The following SV2C variants were observed in gnomAD, a reference collection of about 807,000 sequenced individuals.
SV2C encodes the protein solute carrier family 22 member B3.
Under a neutral mutation model 79.7 loss-of-function variants are expected in SV2C, and 49 were observed. The ratio of observed to expected loss-of-function variants is 0.61; its 90% CI spans 0.49 to 0.78. SV2C has a LOEUF of 0.78. Among genes scored for constraint, SV2C ranks in the 30% least tolerant of loss-of-function variants. SV2C has a pLI of 0.00. For missense variants in SV2C, 833 were observed against 912.9 expected, an observed-to-expected ratio of 0.91 and a Z score of 1.13; for synonymous variants, 334 against 333.2, an observed-to-expected ratio of 1.00 and a Z score of -0.03.
In SV2C at chr5:76,326,924, C is replaced by T. The variant is rs1749027372; in HGVS notation, c.*1377C>T. Reference sequence around the variant, plus strand: ...TACACCTCTTCTTTGAAATCTGAACCTTCCTTGTAGACTTGCAGCCAATGA... The same window carrying T: ...TACACCTCTTCTTTGAAATCTGAACTTTCCTTGTAGACTTGCAGCCAATGA... On this transcript the variant is annotated 3_prime_UTR_variant, in exon 13 of 13. Coordinates refer to ENST00000502798, the MANE Select transcript of SV2C (RefSeq NM_014979.4). 1 of 152,256 alleles carries T rather than the reference C, an allele frequency of 6.6e-6. No homozygotes were observed. Among genetic ancestry groups the T allele is most frequent in the African/African-American group, 2.4e-5 (1 of 41,438 alleles). The allele number at this position is 152,256 out of a possible 1,614,324, so 9.4% of individuals were successfully genotyped here.
chr5:75,856,955 CTTTT>C, the SV2C span, among the ~76,000 whole-genome samples: 1 of 128,520 alleles, frequency 7.8e-6, no homozygotes, highest in Non-Finnish European at 1.6e-5. Flanking sequence ...GTCTTTAATC[CTTTT>C]TTTTTTTTTT....
the SV2C span, among the ~76,000 whole-genome samples, chr5:75,928,056 A>T: frequency 7.9e-5 from 12 of 152,212 alleles, no homozygotes; most frequent in Admixed American, 2.0e-4. Flanking sequence ...TCCTTTTCTA[A>T]AATATAATTT....
chr5:76,310,201 A>T (rs1180431498), intron 12 of SV2C, among the ~76,000 whole-genome samples: 2 of 152,264 alleles, frequency 1.3e-5, no homozygotes, highest in Non-Finnish European at 2.9e-5. Context: ...CAAACAGATA[A>T]GTAAAGTAGA....
intron 2 of SV2C, among the ~76,000 whole-genome samples, chr5:76,137,446 G>A (rs1749103968): frequency 1.3e-5 from 2 of 152,168 alleles, no homozygotes; most frequent in African/African-American, 4.8e-5. Flanking sequence ...CAGAGCAGAT[G>A]GGGAGGCTGA....
intron 2 of SV2C, among the ~76,000 whole-genome samples, chr5:76,161,630 C>T (rs1415764834): frequency 3.3e-5 from 5 of 152,142 alleles, no homozygotes; most frequent in Non-Finnish European, 5.9e-5. Flanking sequence ...CCACCACACT[C>T]AGCCTAGGTA....
intron 1 of SV2C, among the ~76,000 whole-genome samples, chr5:76,128,048 G>A (rs532812463): frequency 1.8e-4 from 27 of 152,214 alleles, no homozygotes; most frequent in African/African-American, 6.3e-4. Context: ...TCCTAAAACC[G>A]GGGTAAACAA....
chr5:76,170,098 AT>A (rs1379756832), intron 2 of SV2C, among the ~76,000 whole-genome samples: 1 of 151,974 alleles, frequency 6.6e-6, no homozygotes, highest in African/African-American at 2.4e-5. Flanking sequence ...GTTATACAAA[AT>A]TGCACCACTT....
At chr5:75,940,916 C>T in the SV2C span, among the ~76,000 whole-genome samples, 6 of 152,068 alleles carry the variant, frequency 3.9e-5, no homozygotes, top group African/African-American at 1.2e-4. Flanking sequence ...GCCTAGGATC[C>T]TAAAGCTCTT....
chr5:76,233,671 G>A (rs1279408568), intron 4 of SV2C, among the ~76,000 whole-genome samples: 1 of 151,482 alleles, frequency 6.6e-6, no homozygotes, highest in African/African-American at 2.5e-5. Flanking sequence ...TTTTGTCAAA[G>A]GCCTCTTCTG....
At chr5:75,874,631 G>A in the SV2C span, among the ~76,000 whole-genome samples, 1 of 152,078 alleles carries the variant, frequency 6.6e-6, no homozygotes, top group Non-Finnish European at 1.5e-5. Context: ...TGTTTGCAGA[G>A]GGCATGATTC....
At chr5:76,226,663 G>T (rs1215649498) in intron 4 of SV2C, among the ~76,000 whole-genome samples, 1 of 152,170 alleles carries the variant, frequency 6.6e-6, no homozygotes. Flanking sequence ...ATGTTTAAAT[G>T]TTGGCAGCTA....
chr5:75,981,551 G>A, the SV2C span, among the ~76,000 whole-genome samples: 15 of 152,052 alleles, frequency 9.9e-5, no homozygotes, highest in Non-Finnish European at 1.8e-4. Flanking sequence ...AAAGAACCCG[G>A]AAATAAGACC....
At chr5:75,996,260 G>C in the SV2C span, among the ~76,000 whole-genome samples, 1 of 152,124 alleles carries the variant, frequency 6.6e-6, no homozygotes, top group Non-Finnish European at 1.5e-5. Flanking sequence ...CCCATTGCTT[G>C]TTTTTCTCAG....
rs762421455 is a variant in SV2C, at chr5:76,300,732, T to G, written c.1640T>G (p.Phe547Cys). ...GTCTTTGTTGTTGTTTCTACAGATT[T>G]TGAGCCATATAAATTCATTGACAGT... ...FIDTVFDNTD[F>C]EPYKFIDSEF... Residue 547 changes from phenylalanine to cysteine, a missense_variant, in exon 11 of 13, where the codon TTT (phenylalanine) becomes TGT (cysteine). Transcript: ENST00000502798. 5.0e-6 allele frequency: 8 copies of G among 1,614,026 alleles called. No individual in the cohort carries two copies. The South Asian group carries it at 8.8e-5, about 18-fold the overall frequency.
At chr5:75,875,993 A>T in the SV2C span, among the ~76,000 whole-genome samples, 4 of 151,206 alleles carry the variant, frequency 2.6e-5, no homozygotes, top group Non-Finnish European at 5.9e-5. Flanking sequence ...TAAATTAACC[A>T]TGTGGAAAGC....
At position 76,330,081 on chromosome 5, in the gene SV2C, C is replaced by CTGT; in HGVS notation, c.*4536_*4538dup. ...AATGTAGACAAAAAAAAAAAAAAAC[C>CTGT]TGTTAGTATATTCTGGATGTATTGT... On this transcript the variant is annotated 3_prime_UTR_variant, in exon 13 of 13. Coordinates refer to ENST00000502798, the MANE Select transcript of SV2C (RefSeq NM_014979.4). 1 of 149,594 alleles carries CTGT rather than the reference C, an allele frequency of 6.7e-6. No homozygotes were observed. The highest frequency in any genetic ancestry group is 2.5e-5 in the African/African-American group (1 of 40,750). The allele number at this position is 149,594 out of a possible 1,614,324, so 9.3% of individuals were successfully genotyped here. A position where few individuals can be genotyped will look rare whatever the true frequency, so the allele number is the denominator to read the frequency against.
At chr5:76,289,630 G>C (rs1580029934) in intron 6 of SV2C, among the ~76,000 whole-genome samples, 1 of 152,280 alleles carries the variant, frequency 6.6e-6, no homozygotes, top group Non-Finnish European at 1.5e-5. Flanking sequence ...CACTGCTGCT[G>C]ATTTGGTGCA....
upstream of SV2C, chr5:76,082,350 C>T (rs997040305): frequency 6.6e-6 from 1 of 152,220 alleles, no homozygotes; most frequent in African/African-American, 2.4e-5. Context: ...TTCTCTCCAG[C>T]CGCCTGGCCC....
chr5:76,268,817 G>C (rs186214667), intron 4 of SV2C, among the ~76,000 whole-genome samples: 2 of 152,138 alleles, frequency 1.3e-5, no homozygotes, highest in African/African-American at 4.8e-5. Context: ...GTTGCTTCCA[G>C]GTGCATAAAA....
Sources: gnomAD v4.1 joint callset for allele counts (sites outside exome capture counted in the v4.1 genomes callset) on GRCh38, gnomAD v4.1.1 for gene constraint, MANE v1.5 for transcripts, NCBI Gene and HGNC (gene_info 2026-07-23, HGNC 2026-07-21) for gene names.